The following IL1RAPL2 variants were observed in gnomAD, a reference collection of about 807,000 sequenced individuals.
IL1RAPL2 encodes the protein interleukin 1 receptor accessory protein like 2.
Under a neutral mutation model 44.1 loss-of-function variants are expected in IL1RAPL2, and 3 were observed. The observed-to-expected ratio is 0.07, with a 90% CI of 0.03 to 0.18. The LOEUF is 0.18. Among genes scored for constraint, IL1RAPL2 ranks in the 10% least tolerant of loss-of-function variants. The pLI, the probability that IL1RAPL2 is intolerant of heterozygous loss-of-function variation, is 1.00. For synonymous variants in IL1RAPL2, 181 were observed against 178.8 expected (o/e 1.01, Z -0.10); for missense variants, 391 against 496.4 (o/e 0.79, Z 2.02).
intron 3 of IL1RAPL2, among the ~76,000 whole-genome samples, chrX:105,232,685 G>C (rs1385367151): frequency 8.9e-6 from 1 of 111,878 alleles, no homozygotes; most frequent in Non-Finnish European, 1.9e-5. Flanking sequence ...GGCAGAATTT[G>C]TATTTATTTA....
At chrX:104,874,970 C>T (rs1041269709) in intron 2 of IL1RAPL2, among the ~76,000 whole-genome samples, 2 of 111,528 alleles carry the variant, frequency 1.8e-5, no homozygotes, top group Non-Finnish European at 3.8e-5. Flanking sequence ...CCCTCTTCTT[C>T]AGGTTTAAAG....
chrX:104,572,096 G>T (rs1034973038), intron 1 of IL1RAPL2, among the ~76,000 whole-genome samples: 6 of 111,290 alleles, frequency 5.4e-5, no homozygotes, highest in Non-Finnish European at 1.1e-4. Context: ...TATACTTTGG[G>T]GAATGCCCTT....
rs986704432 is a variant in IL1RAPL2 at position 104,945,317 on chromosome X, C to T, written c.83-250158C>T. Among the ~76,000 whole-genome samples, 6 of 110,696 alleles carry T rather than the reference C, an allele frequency of 5.4e-5. No individual in the cohort carries two copies. In the East Asian group the frequency reaches 1.4e-3, roughly 26 times the overall value. ...TATTACTATTTAACATAATAATGTACTGTTGGTTTGAGAGTGTTCACGTTC... is the reference window on the plus strand; with the variant it reads ...TATTACTATTTAACATAATAATGTATTGTTGGTTTGAGAGTGTTCACGTTC... On this transcript the variant is annotated intron_variant, in intron 2 of 10. Coordinates refer to ENST00000372582, the MANE Select transcript of IL1RAPL2 (RefSeq NM_017416.2).
chrX:104,923,720 C>G (rs1251291566), intron 2 of IL1RAPL2, among the ~76,000 whole-genome samples: 1 of 111,296 alleles, frequency 9.0e-6, no homozygotes, highest in African/African-American at 3.3e-5. Context: ...AGAAAGCTCA[C>G]AGATCCTATA....
At chrX:105,709,408 T>G (rs137961126) in intron 6 of IL1RAPL2, among the ~76,000 whole-genome samples, 1,225 of 111,870 alleles carry the variant, frequency 0.011, 13 homozygotes, top group African/African-American at 0.038. Context: ...GCTTTTTATT[T>G]TGCAGAAGGA....
At chrX:105,419,189 T>G (rs187981472) in intron 5 of IL1RAPL2, among the ~76,000 whole-genome samples, 1 of 112,004 alleles carries the variant, frequency 8.9e-6, no homozygotes, top group Non-Finnish European at 1.9e-5. Context: ...CTTGAAAACA[T>G]CTATGTTATA....
intron 5 of IL1RAPL2, among the ~76,000 whole-genome samples, chrX:105,305,445 CTTTTCCTT>C (rs2034728508): frequency 9.0e-6 from 1 of 110,514 alleles, no homozygotes. Flanking sequence ...TTTCATTTTT[CTTTTCCTT>C]TTTTCTCTCT....
At chrX:104,704,330 G>T (rs1261992149) in intron 2 of IL1RAPL2, among the ~76,000 whole-genome samples, 1 of 111,610 alleles carries the variant, frequency 9.0e-6, no homozygotes, top group East Asian at 2.9e-4. Flanking sequence ...GGACTGAGTG[G>T]CAGAAACGCT....
intron 2 of IL1RAPL2, among the ~76,000 whole-genome samples, chrX:105,194,217 A>G (rs1434389122): frequency 8.9e-6 from 1 of 112,085 alleles, no homozygotes; most frequent in Non-Finnish European, 1.9e-5. Flanking sequence ...CATTGCATTT[A>G]GCTCTGAGCT....
At chrX:104,883,991 G>A (rs192609662) in intron 2 of IL1RAPL2, among the ~76,000 whole-genome samples, 1 of 111,970 alleles carries the variant, frequency 8.9e-6, no homozygotes, top group African/African-American at 3.2e-5. Flanking sequence ...ATAGGACAGG[G>A]GTAAAGTCCC....
At chrX:104,660,967 T>TAC (rs1409991580) in intron 2 of IL1RAPL2, among the ~76,000 whole-genome samples, 1 of 106,169 alleles carries the variant, frequency 9.4e-6, no homozygotes, top group Non-Finnish European at 1.9e-5. Context: ...CACACACACA[T>TAC]ACACACACAC....
At chrX:105,693,331 G>T (rs1569466312) in intron 6 of IL1RAPL2, among the ~76,000 whole-genome samples, 1 of 111,732 alleles carries the variant, frequency 8.9e-6, no homozygotes, top group Non-Finnish European at 1.9e-5. Context: ...GGTCATGGGG[G>T]CGAATCCCTC....
intron 4 of IL1RAPL2, among the ~76,000 whole-genome samples, chrX:105,263,678 G>A (rs1157055397): frequency 9.0e-6 from 1 of 111,009 alleles, no homozygotes. Flanking sequence ...AGGTGGGGAG[G>A]GAGAGGAAAA....
At chrX:104,900,106 C>T (rs1222204454) in intron 2 of IL1RAPL2, among the ~76,000 whole-genome samples, 1 of 111,717 alleles carries the variant, frequency 9.0e-6, no homozygotes, top group African/African-American at 3.3e-5. Context: ...TCCCATTTTC[C>T]TCATCTGCTA....
chrX:104,801,641 T>C (rs2147613566), intron 2 of IL1RAPL2, among the ~76,000 whole-genome samples: 2 of 111,590 alleles, frequency 1.8e-5, no homozygotes, highest in Middle Eastern at 4.6e-3. Context: ...GTTATGGTAA[T>C]AGTATATGGT....
At chrX:105,480,918 T>A (rs2036229264) in intron 5 of IL1RAPL2, among the ~76,000 whole-genome samples, 1 of 111,934 alleles carries the variant, frequency 8.9e-6, no homozygotes, top group Admixed American at 9.5e-5. Flanking sequence ...TCTTAGCAAT[T>A]CTCAGGCCTA....
chrX:104,885,000 C>T (rs1344037421), intron 2 of IL1RAPL2, among the ~76,000 whole-genome samples: 2 of 111,559 alleles, frequency 1.8e-5, no homozygotes, highest in African/African-American at 6.5e-5. Context: ...TCCCCTTCTC[C>T]CTCTCTGATT....
chrX:105,086,274 C>T (rs200134279), intron 2 of IL1RAPL2, among the ~76,000 whole-genome samples: 2 of 49,057 alleles, frequency 4.1e-5, no homozygotes, highest in Non-Finnish European at 6.9e-5. Context: ...CACACACACA[C>T]ACACACACAG....
rs188920135 is a variant in IL1RAPL2, at chrX:104,625,577, G to T, written c.-19-33318G>T. Among the ~76,000 whole-genome samples, 374 of 110,288 alleles carry T rather than the reference G, an allele frequency of 3.4e-3. 2 individuals are homozygous for T. Among genetic ancestry groups the T allele is most frequent in the Non-Finnish European group, 5.4e-3 (287 of 52,766 alleles). Reference sequence around the variant, plus strand: ...TTCTCTGCTCTCTTCTCCTTTCCTTGTCTATCTGTGTCAGGCTCAGAAGAA... The same window carrying T: ...TTCTCTGCTCTCTTCTCCTTTCCTTTTCTATCTGTGTCAGGCTCAGAAGAA... On this transcript the variant is annotated intron_variant, in intron 1 of 10. Coordinates refer to ENST00000372582, the MANE Select transcript of IL1RAPL2 (RefSeq NM_017416.2).
Sources: allele counts gnomAD v4.1 joint callset (sites outside exome capture counted in the v4.1 genomes callset), GRCh38; gene constraint gnomAD v4.1.1; transcripts MANE v1.5; gene names NCBI Gene and HGNC (gene_info 2026-07-23, HGNC 2026-07-21).